NRG1: variants seen among roughly 807,000 people sequenced by gnomAD.
NRG1 encodes neuregulin 1, also known as pro-neuregulin-1, membrane-bound isoform.
NRG1 carries 18 observed loss-of-function variants against 63.8 expected under a neutral mutation model. That is an observed-to-expected ratio of 0.28 (90% CI 0.19 to 0.42). The LOEUF is 0.42. Ranked by LOEUF, NRG1 falls within the 10% of genes least tolerant of loss-of-function variation. The pLI, the probability that NRG1 is intolerant of heterozygous loss-of-function variation, is 1.00. For synonymous variants in NRG1, 302 were observed against 301.3 expected, an observed-to-expected ratio of 1.00 and a Z score of -0.02; for missense variants, 762 against 814.7, an observed-to-expected ratio of 0.94 and a Z score of 0.79.
intron 1 of NRG1, among the ~76,000 whole-genome samples, chr8:32,284,838 T>TGC (rs1390612727): frequency 1.3e-5 from 2 of 152,190 alleles, no homozygotes; most frequent in Non-Finnish European, 2.9e-5. Flanking sequence ...CATGAGCCAC[T>TGC]GCACCCAGCC....
intron 1 of NRG1, among the ~76,000 whole-genome samples, chr8:32,262,967 A>C (rs1411581335): frequency 1.3e-5 from 2 of 152,186 alleles, no homozygotes; most frequent in African/African-American, 4.8e-5. Context: ...AATAAAAAAT[A>C]TTAAGCTTGC....
At chr8:32,548,137 G>A (rs1186258458), upstream of NRG1, 11 of 839,214 alleles carry the variant, frequency 1.3e-5, no homozygotes, top group African/African-American at 3.6e-5. Context: ...GCCCGGGAGC[G>A]CCGAGCCCAG....
chr8:32,126,530 A>G (rs931490938), intron 1 of NRG1, among the ~76,000 whole-genome samples: 1 of 151,892 alleles, frequency 6.6e-6, no homozygotes, highest in Non-Finnish European at 1.5e-5. Context: ...TCCAAATGCC[A>G]GTACTTTCCA....
intron 1 of NRG1, among the ~76,000 whole-genome samples, chr8:32,464,934 G>T (rs1808780917): frequency 6.6e-6 from 1 of 152,128 alleles, no homozygotes; most frequent in Admixed American, 6.5e-5. Context: ...CGGCACTTTG[G>T]GAGGCCGAGG....
intron 1 of NRG1, among the ~76,000 whole-genome samples, chr8:31,686,991 A>T (rs116679485): frequency 0.035 from 5,257 of 151,816 alleles, 300 homozygotes; most frequent in African/African-American, 0.12. Context: ...CTGGTCTCTA[A>T]CTCCTGACCT....
intron 1 of NRG1, among the ~76,000 whole-genome samples, chr8:32,436,737 T>C (rs1264787269): frequency 6.6e-6 from 1 of 152,162 alleles, no homozygotes; most frequent in Non-Finnish European, 1.5e-5. Flanking sequence ...ATTATACAAA[T>C]ATTGTATGTT....
intron 1 of NRG1, among the ~76,000 whole-genome samples, chr8:31,782,169 A>C (rs1054595058): frequency 1.3e-5 from 2 of 152,134 alleles, no homozygotes; most frequent in African/African-American, 4.8e-5. Flanking sequence ...CTCCCATTCT[A>C]GGGAATCTGG....
rs1833340656 is a variant in NRG1 at position 32,548,272 on chromosome 8, T to A, written c.-455T>A. On this transcript the variant is annotated 5_prime_UTR_variant, in exon 1 of 12. Coordinates refer to ENST00000356819, the Ensembl canonical transcript of NRG1. ...AACCTGCGGGCGGGAGGTGGGTGGC[T>A]GCGGGGCAATTGAAAAAGAGCCGGC... 3 of 986,510 alleles carry A rather than the reference T, an allele frequency of 3.0e-6. No individual in the cohort carries two copies. In the African/African-American group the frequency reaches 5.2e-5, roughly 17 times the overall value. 61.1% of individuals were successfully genotyped at this position (986,510 alleles called of 1,614,324 possible).
At chr8:32,743,595 T>TATATATATA (rs1439936922) in intron 7 of NRG1, among the ~76,000 whole-genome samples, 1 of 141,794 alleles carries the variant, frequency 7.1e-6, no homozygotes, top group African/African-American at 2.5e-5. Context: ...TATATATATA[T>TATATATATA]AAAACTTAAT....
At chr8:32,410,878 ATT>A (rs150202882) in intron 1 of NRG1, among the ~76,000 whole-genome samples, 4,578 of 141,782 alleles carry the variant, frequency 0.032, 176 homozygotes, top group African/African-American at 0.1. Context: ...CACAACCCAC[ATT>A]TTTTTTTTTT....
intron 5 of NRG1, among the ~76,000 whole-genome samples, chr8:32,676,242 G>T (rs2128906157): frequency 6.6e-6 from 1 of 152,224 alleles, no homozygotes; most frequent in South Asian, 2.1e-4. Flanking sequence ...GTGGTTTGGG[G>T]AAGGTGCCAA....
Position 31,640,127 on chromosome 8 carries a change from C to A in NRG1, c.37+696C>A. ...GGGACCGCGGCCCTGGCGCCGGGGGCGGCGGCCGGCAACGAGGCGGCTCCC... is the reference window on the plus strand; with the variant it reads ...GGGACCGCGGCCCTGGCGCCGGGGGAGGCGGCCGGCAACGAGGCGGCTCCC... On this transcript the variant is annotated intron_variant, in intron 1 of 10. Transcript: ENST00000519301. This position sits in a 1 kb window ranked among gnomAD's most constrained non-coding sequence, Gnocchi z 6.3. The A allele has an allele frequency of 1.7e-6, 2 of 1,155,846 alleles. No homozygotes were observed. The highest frequency in any genetic ancestry group is 2.1e-6 in the Non-Finnish European group (2 of 940,540). The allele number at this position is 1,155,846 out of a possible 1,614,324, so 71.6% of individuals were successfully genotyped here. A position where few individuals can be genotyped will look rare whatever the true frequency, so the allele number is the denominator to read the frequency against.
intron 1 of NRG1, among the ~76,000 whole-genome samples, chr8:32,224,633 A>G (rs1846145295): frequency 6.6e-6 from 1 of 152,204 alleles, no homozygotes; most frequent in Non-Finnish European, 1.5e-5. Context: ...TAAACCAGTG[A>G]TGGTGCAAAT....
At chr8:31,909,898 C>A (rs1048375863) in intron 1 of NRG1, among the ~76,000 whole-genome samples, 2 of 152,156 alleles carry the variant, frequency 1.3e-5, no homozygotes, top group Non-Finnish European at 2.9e-5. Context: ...CGAACCTAAT[C>A]CACTCTAGCC....
At chr8:31,997,064 A>C (rs1812106308) in intron 1 of NRG1, among the ~76,000 whole-genome samples, 1 of 151,934 alleles carries the variant, frequency 6.6e-6, no homozygotes, top group Non-Finnish European at 1.5e-5. Context: ...TAAAAATTGA[A>C]ACTGAGAGTT....
chr8:31,825,329 A>G (rs1035389328), intron 1 of NRG1, among the ~76,000 whole-genome samples: 2 of 152,030 alleles, frequency 1.3e-5, no homozygotes, highest in Non-Finnish European at 2.9e-5. Context: ...CGCAGCTTGC[A>G]GTGAGCGGAG....
At chr8:32,525,838 A>G (rs12548380) in intron 1 of NRG1, among the ~76,000 whole-genome samples, 25,354 of 152,136 alleles carry the variant, frequency 0.17, 2,507 homozygotes, top group Admixed American at 0.31. Flanking sequence ...TTATAGGAGC[A>G]TAGATTTCAG....
chr8:31,961,796 T>G (rs901026032), intron 1 of NRG1, among the ~76,000 whole-genome samples: 6 of 152,202 alleles, frequency 3.9e-5, no homozygotes, highest in Admixed American at 1.3e-4. Flanking sequence ...TTTGCTCACT[T>G]TTGATTGTGC....
chr8:31,913,904 T>C (rs1222107696), intron 1 of NRG1, among the ~76,000 whole-genome samples: 2 of 152,186 alleles, frequency 1.3e-5, no homozygotes, highest in African/African-American at 4.8e-5. Context: ...CCATCTTCCT[T>C]GAGTCCCAAG....
Sources: allele counts gnomAD v4.1 joint callset (sites outside exome capture counted in the v4.1 genomes callset), GRCh38; gene constraint gnomAD v4.1.1; non-coding constraint Gnocchi (gnomAD v3.1); transcripts MANE v1.5; gene names NCBI Gene and HGNC (gene_info 2026-07-23, HGNC 2026-07-21).